Variants in CYB5RL observed in about 807,000 individuals in gnomAD.
CYB5RL encodes cytochrome b5 reductase like.
CYB5RL carries 38 observed loss-of-function variants against 37.5 expected under a neutral mutation model. That is an observed-to-expected ratio of 1.01 (90% CI 0.78 to 1.33). The LOEUF (loss-of-function observed/expected upper bound fraction) is 1.33, where lower values mean the gene tolerates loss of function less well. Ranked by LOEUF, CYB5RL falls within the 40% of genes most tolerant of loss-of-function variation. The pLI is 0.00. For missense variants in CYB5RL, 388 were observed against 394.4 expected (o/e 0.98, Z 0.14); for synonymous variants, 141 against 151.9 (o/e 0.93, Z 0.53).
chr1:54,196,862 A>G (rs527930191), intron 1 of CYB5RL, among the ~76,000 whole-genome samples: 2 of 152,322 alleles, frequency 1.3e-5, no homozygotes, highest in African/African-American at 2.4e-5. Flanking sequence ...AGGTGAGATG[A>G]TATGAGGACT....
At position 54,171,037 on chromosome 1, in the gene CYB5RL, C is replaced by T; in HGVS notation, c.*3582G>A. On this transcript the variant is annotated 3_prime_UTR_variant, in exon 8 of 8. Transcript: ENST00000534324. ...TACAATGGGCCGGCCCTCATGCTCACATGCAGATGACACTTATGGGTACAG... is the reference window on the plus strand; with the variant it reads ...TACAATGGGCCGGCCCTCATGCTCATATGCAGATGACACTTATGGGTACAG... 2.3e-6 allele frequency: 1 copy of T among 425,938 alleles called. No individual in the cohort carries two copies. The highest frequency in any genetic ancestry group is 1.7e-5 in the South Asian group (1 of 59,102). 26.4% of individuals were successfully genotyped at this position (425,938 alleles called of 1,614,324 possible). A position where few individuals can be genotyped will look rare whatever the true frequency, so the allele number is the denominator to read the frequency against.
rs116587516 is a variant in CYB5RL, at chr1:54,198,843, C to T, written c.-223+1133G>A. 1.3e-3 allele frequency among the ~76,000 whole-genome samples: 198 copies of T among 152,066 alleles called. 1 individual carries two copies. The highest frequency in any genetic ancestry group is 4.6e-3 in the African/African-American group (189 of 41,482). On this transcript the variant is annotated intron_variant, in intron 1 of 7. Coordinates refer to ENST00000534324, the MANE Select transcript of CYB5RL (RefSeq NM_001031672.4). Reference sequence around the variant, plus strand: ...AGAGAGGAGGTCTCACCATGTTGCCCAGGCTGATCTCAAACTCCTGGCCTC... The same window carrying T: ...AGAGAGGAGGTCTCACCATGTTGCCTAGGCTGATCTCAAACTCCTGGCCTC...
At chr1:54,188,593 C>T (rs1643922820) in intron 4 of CYB5RL, among the ~76,000 whole-genome samples, 1 of 152,162 alleles carries the variant, frequency 6.6e-6, no homozygotes, top group African/African-American at 2.4e-5. Context: ...GTATTAAATG[C>T]ATACATGTAT....
chr1:54,185,020 G>A (rs1239184848), intron 5 of CYB5RL: 5 of 152,224 alleles, frequency 3.3e-5, no homozygotes, highest in Non-Finnish European at 7.3e-5. Context: ...ATGCAGGCAA[G>A]ACAGCTAGAT....
chr1:54,174,457 T>G lies in CYB5RL; in HGVS notation c.*162A>C. 1.2e-5 allele frequency: 9 copies of G among 748,676 alleles called. No homozygotes were observed. The highest frequency in any genetic ancestry group is 2.0e-5 in the Non-Finnish European group (9 of 454,382). The allele number at this position is 748,676 out of a possible 1,614,324, so 46.4% of individuals were successfully genotyped here. A position where few individuals can be genotyped will look rare whatever the true frequency, so the allele number is the denominator to read the frequency against. The stretch of plus-strand genomic sequence containing the variant: ...GGAGTGATTAACCTCATGGGGCAGA[T>G]GAGAAGTAGAGGTTCTGAGCAGTAA... On this transcript the variant is annotated 3_prime_UTR_variant, in exon 8 of 8. Transcript: ENST00000534324.
chr1:54,192,477 G>A (rs1004806750), intron 3 of CYB5RL, among the ~76,000 whole-genome samples: 1 of 151,924 alleles, frequency 6.6e-6, no homozygotes, highest in Non-Finnish European at 1.5e-5. Context: ...GAGGCACCAC[G>A]CTGGACCTCT....
At chr1:54,176,880 G>A (rs1268561306) in intron 7 of CYB5RL, among the ~76,000 whole-genome samples, 10 of 152,328 alleles carry the variant, frequency 6.6e-5, no homozygotes, top group South Asian at 6.2e-4. Flanking sequence ...GGGGCTCTAG[G>A]AAAGCTTCCA....
Position 54,179,358 on chromosome 1 carries a change from G to A in CYB5RL, c.541-6C>T. On this transcript the variant is annotated splice_region_variant and splice_polypyrimidine_tract_variant and intron_variant, in intron 6 of 7. Coordinates refer to ENST00000534324, the MANE Select transcript of CYB5RL (RefSeq NM_001031672.4). The stretch of plus-strand genomic sequence containing the variant: ...AGCAAGAGGAGCTCACCATACTGGG[G>A]AACAGAAGGGGTATGTATGACAGGT... 6.2e-7 allele frequency: 1 copy of A among 1,610,480 alleles called. No homozygotes were observed. Among genetic ancestry groups the A allele is most frequent in the Non-Finnish European group, 8.5e-7 (1 of 1,179,010 alleles).
At chr1:54,199,483 C>T (rs1039132963) in intron 1 of CYB5RL, among the ~76,000 whole-genome samples, 1 of 152,172 alleles carries the variant, frequency 6.6e-6, no homozygotes, top group Non-Finnish European at 1.5e-5. Context: ...GTTCTGTCTG[C>T]ATCTCCCACT....
intron 3 of CYB5RL, among the ~76,000 whole-genome samples, chr1:54,191,557 C>T (rs1198784143): frequency 6.6e-6 from 1 of 152,204 alleles, no homozygotes; most frequent in African/African-American, 2.4e-5. Flanking sequence ...GCATCTCCTC[C>T]AGGAAGCCTT....
chr1:54,181,492 C>G (rs112305565), intron 6 of CYB5RL, among the ~76,000 whole-genome samples: 6,689 of 152,298 alleles, frequency 0.044, 202 homozygotes, highest in Non-Finnish European at 0.066. Context: ...CCATCTGTAA[C>G]GAAGACGACT....
chr1:54,177,180 T>C (rs1364428287), intron 7 of CYB5RL, among the ~76,000 whole-genome samples: 1 of 152,070 alleles, frequency 6.6e-6, no homozygotes, highest in African/African-American at 2.4e-5. Flanking sequence ...CAGATCTGCC[T>C]TTAGGACTGC....
At chr1:54,193,476 C>T (rs913442449) in intron 3 of CYB5RL, among the ~76,000 whole-genome samples, 14 of 152,118 alleles carry the variant, frequency 9.2e-5, no homozygotes, top group Non-Finnish European at 1.5e-5. Flanking sequence ...ACGAACATTC[C>T]CCAGTCACTG....
At chr1:54,189,066 C>T (rs1241253583) in intron 4 of CYB5RL, among the ~76,000 whole-genome samples, 1 of 152,066 alleles carries the variant, frequency 6.6e-6, no homozygotes, top group Non-Finnish European at 1.5e-5. Flanking sequence ...GCCTGTAGTC[C>T]CAGTTACTTG....
At chr1:54,199,953 C>G (rs1055428809) in intron 1 of CYB5RL, 23 bp downstream of exon 1, 9 of 457,138 alleles carry the variant, frequency 2.0e-5, no homozygotes, top group Non-Finnish European at 3.5e-5. Context: ...TGGAGCGATT[C>G]TCCACCCACC....
chr1:54,192,099 C>T (rs1382547448), intron 3 of CYB5RL, among the ~76,000 whole-genome samples: 1 of 151,586 alleles, frequency 6.6e-6, no homozygotes, highest in East Asian at 1.9e-4. Context: ...ATTATTATTG[C>T]TTCATTAAAA....
chr1:54,179,339 A>T lies in CYB5RL; in HGVS notation c.554T>A (p.Leu185His). ...CAGGCCCGTGCCCGCAGCCAGCAAG[A>T]GGAGCTCACCATACTGGGGAACAGA... ...FYKPNQYGEL[L>H]LLAAGTGLAP... The change falls in exon 7 of 8, where the codon CTC (leucine) becomes CAC (histidine). Residue 185 changes from leucine to histidine, a missense_variant. Transcript: ENST00000534324. 6.2e-7 allele frequency: 1 copy of T among 1,613,076 alleles called. No individual in the cohort carries two copies. Among genetic ancestry groups the T allele is most frequent in the Non-Finnish European group, 8.5e-7 (1 of 1,179,714 alleles).
In CYB5RL at chr1:54,170,718, A is replaced by T; in HGVS notation, c.*3901T>A. 5.0e-6 allele frequency: 1 copy of T among 201,114 alleles called. No homozygotes were observed. Among genetic ancestry groups the T allele is most frequent in the Non-Finnish European group, 1.0e-5 (1 of 95,978 alleles). The allele number at this position is 201,114 out of a possible 1,614,324, so 12.5% of individuals were successfully genotyped here. On this transcript the variant is annotated 3_prime_UTR_variant, in exon 8 of 8. Transcript: ENST00000534324. ...GAGCCACCGCGCCCGGCCCAGTAAC[A>T]ATCTTTATACACATCTCTGGTTGCA...
At chr1:54,179,118 T>C in intron 7 of CYB5RL, 31 bp downstream of exon 7, 2 of 1,598,100 alleles carry the variant, frequency 1.3e-6, no homozygotes, top group African/African-American at 1.3e-5. Context: ...AGAGTCTCAA[T>C]CAAAAAAGAA....
Sources: allele counts gnomAD v4.1 joint callset (sites outside exome capture counted in the v4.1 genomes callset), GRCh38; gene constraint gnomAD v4.1.1; transcripts MANE v1.5; gene names NCBI Gene and HGNC (gene_info 2026-07-23, HGNC 2026-07-21).